The following PARD3 variants were observed in gnomAD, a reference collection of about 807,000 sequenced individuals.
PARD3 encodes par-3 family cell polarity regulator, also known as partitioning defective 3 homolog.
PARD3 carries 75 observed loss-of-function variants against 155.4 expected under a neutral mutation model. The observed-to-expected ratio is 0.48, with a 90% CI of 0.40 to 0.58. The LOEUF is 0.58. Ranked by LOEUF, PARD3 falls within the 20% of genes least tolerant of loss-of-function variation. The pLI is 0.00. For synonymous variants in PARD3, 576 were observed against 610.5 expected, an observed-to-expected ratio of 0.94 and a Z score of 0.83; for missense variants, 1,642 against 1,721.7, an observed-to-expected ratio of 0.95 and a Z score of 0.82.
At chr10:34,429,543 A>C (rs967637836) in intron 5 of PARD3, among the ~76,000 whole-genome samples, 5 of 149,424 alleles carry the variant, frequency 3.3e-5, no homozygotes, top group Non-Finnish European at 7.4e-5. Context: ...ATACAGCCCC[A>C]CTCTAACTCA....
intron 23 of PARD3, among the ~76,000 whole-genome samples, chr10:34,128,518 C>T (rs1001749660): frequency 5.3e-5 from 8 of 152,020 alleles, no homozygotes; most frequent in Non-Finnish European, 1.0e-4. Context: ...TTCAACAGTG[C>T]GATATTAGTG....
intron 19 of PARD3, among the ~76,000 whole-genome samples, chr10:34,325,383 T>C (rs1331079454): frequency 1.3e-5 from 2 of 152,076 alleles, no homozygotes; most frequent in Admixed American, 6.6e-5. Flanking sequence ...TGGCTCCCCA[T>C]TCCCTATGTT....
intron 2 of PARD3, among the ~76,000 whole-genome samples, chr10:34,570,885 G>A (rs1313163448): frequency 1.3e-5 from 2 of 152,124 alleles, no homozygotes; most frequent in South Asian, 2.1e-4. Flanking sequence ...GGGTCCTGAG[G>A]ATCCCAGGTG....
intron 22 of PARD3, among the ~76,000 whole-genome samples, chr10:34,196,511 T>C (rs957385453): frequency 6.6e-6 from 1 of 152,148 alleles, no homozygotes; most frequent in Non-Finnish European, 1.5e-5. Context: ...GTAGTATTTC[T>C]TGTTACTTAG....
intron 12 of PARD3, among the ~76,000 whole-genome samples, chr10:34,365,676 T>C (rs1300321597): frequency 6.6e-6 from 1 of 152,182 alleles, no homozygotes; most frequent in Non-Finnish European, 1.5e-5. Flanking sequence ...GCAATCTCGC[T>C]TCCTGGGTTC....
At chr10:34,480,088 C>T (rs995426531) in intron 3 of PARD3, among the ~76,000 whole-genome samples, 3 of 152,212 alleles carry the variant, frequency 2.0e-5, no homozygotes, top group Non-Finnish European at 2.9e-5. Flanking sequence ...ACAAGGCAGA[C>T]GGCATAGAGC....
chr10:34,542,965 A>G (rs976061060), intron 2 of PARD3, among the ~76,000 whole-genome samples: 4 of 152,240 alleles, frequency 2.6e-5, no homozygotes, highest in African/African-American at 9.6e-5. Flanking sequence ...CCATGAGAAC[A>G]TGCTCAAGAG....
intron 21 of PARD3, 35 bp from the exon 22 acceptor site, chr10:34,269,934 C>T (rs778886238): frequency 6.2e-6 from 10 of 1,600,014 alleles, no homozygotes; most frequent in African/African-American, 1.3e-5. Context: ...ATAAGAGAAA[C>T]CTTTCCTTTT....
At chr10:34,507,487 T>G (rs1256742699) in intron 3 of PARD3, among the ~76,000 whole-genome samples, 2 of 150,122 alleles carry the variant, frequency 1.3e-5, no homozygotes, top group Non-Finnish European at 2.9e-5. Flanking sequence ...GCTCTCTGCC[T>G]GTGCCTGATT....
rs1232450067 is a variant in PARD3 at position 34,815,079 on chromosome 10, G to A, written c.-84C>T. ...GCCGGGACCGAGGACGCTGGGCGCG[G>A]AGGAGCCGCTGGGGACTCGGGCGCG... On this transcript the variant is annotated 5_prime_UTR_variant, in exon 1 of 25. Transcript: ENST00000374788. The A allele has an allele frequency of 9.8e-6, 10 of 1,016,838 alleles. No individual in the cohort carries two copies. Among genetic ancestry groups the A allele is most frequent in the Non-Finnish European group, 1.2e-5 (10 of 819,278 alleles). The allele number at this position is 1,016,838 out of a possible 1,614,324, so 63.0% of individuals were successfully genotyped here.
chr10:34,722,231 T>A (rs1412531452), intron 1 of PARD3, among the ~76,000 whole-genome samples: 2 of 151,922 alleles, frequency 1.3e-5, no homozygotes, highest in Non-Finnish European at 2.9e-5. Flanking sequence ...TATATTTTTA[T>A]ATATATACTG....
At chr10:34,736,330 C>CTTTTTTTTTTTTT (rs564413627) in intron 1 of PARD3, among the ~76,000 whole-genome samples, 1 of 128,426 alleles carries the variant, frequency 7.8e-6, no homozygotes. Flanking sequence ...GCGCCTGGCC[C>CTTTTTTTTTTTTT]TTTTTTTTTT....
Position 34,312,269 on chromosome 10 carries a change from A to G in PARD3, c.3065+4838T>C, listed in dbSNP as rs1957740302. 12 of 1,605,456 alleles carry G rather than the reference A, an allele frequency of 7.5e-6. No homozygotes were observed. In the Middle Eastern group the frequency reaches 8.3e-4, roughly 111 times the overall value. ...GTCAACAGCCACTAAGAATTCATTAAAAGTAAATTTATTGTTTGTTTAAAA... is the reference window on the plus strand; with the variant it reads ...GTCAACAGCCACTAAGAATTCATTAGAAGTAAATTTATTGTTTGTTTAAAA... On this transcript the variant is annotated intron_variant, in intron 20 of 24. Transcript: ENST00000374788.
At chr10:34,174,817 T>C (rs543502956) in intron 22 of PARD3, among the ~76,000 whole-genome samples, 8 of 152,318 alleles carry the variant, frequency 5.3e-5, no homozygotes, top group Non-Finnish European at 1.0e-4. Flanking sequence ...TGTTCTTCTA[T>C]ATTATGGTTG....
At chr10:34,501,367 C>T (rs999779697) in intron 3 of PARD3, among the ~76,000 whole-genome samples, 1 of 152,122 alleles carries the variant, frequency 6.6e-6, no homozygotes, top group Non-Finnish European at 1.5e-5. Flanking sequence ...GCCTCCTCCC[C>T]CTTCAACTTT....
chr10:34,165,471 G>T (rs1207445688), intron 22 of PARD3, among the ~76,000 whole-genome samples: 3 of 152,270 alleles, frequency 2.0e-5, no homozygotes, highest in Middle Eastern at 6.8e-3. Context: ...TCAATGTCTA[G>T]CATTTTGCAA....
intron 24 of PARD3, among the ~76,000 whole-genome samples, chr10:34,112,193 A>G (rs576040873): frequency 6.6e-6 from 1 of 152,344 alleles, no homozygotes; most frequent in Non-Finnish European, 1.5e-5. Context: ...CTGCTCATCC[A>G]GATTGGACGG....
intron 2 of PARD3, among the ~76,000 whole-genome samples, chr10:34,594,917 C>T (rs1027918056): frequency 6.6e-6 from 1 of 152,124 alleles, no homozygotes; most frequent in African/African-American, 2.4e-5. Flanking sequence ...TACATCTTGG[C>T]CATGTGACTC....
rs189992992 is a variant in PARD3 at position 34,353,255 on chromosome 10, A to G, written c.2068-5140T>C. 3.0e-3 allele frequency among the ~76,000 whole-genome samples: 453 copies of G among 152,346 alleles called. 2 individuals are homozygous for G. Among genetic ancestry groups the G allele is most frequent in the African/African-American group, 0.011 (439 of 41,580 alleles). ...ATTGAGAACGGGCCATGATGACGAT[A>G]GCAGTTTTGTCGAGTAGAAAAGGGG... On this transcript the variant is annotated intron_variant, in intron 14 of 24. Coordinates refer to ENST00000374788, the MANE Select transcript of PARD3 (RefSeq NM_001184785.2).
Sources: gnomAD v4.1 joint callset for allele counts (sites outside exome capture counted in the v4.1 genomes callset) on GRCh38, gnomAD v4.1.1 for gene constraint, MANE v1.5 for transcripts, NCBI Gene and HGNC (gene_info 2026-07-23, HGNC 2026-07-21) for gene names.